The following STARD9 variants were observed in gnomAD, a reference collection of about 807,000 sequenced individuals.
The protein encoded by STARD9 is StAR related lipid transfer domain containing 9, also known as stAR-related lipid transfer protein 9.
In STARD9, 346 loss-of-function variants were observed where a neutral mutation model predicts 399.8. The ratio of observed to expected loss-of-function variants is 0.87; its 90% confidence interval spans 0.79 to 0.95. The LOEUF is 0.95. Ranked by LOEUF, STARD9 falls within the 40% of genes least tolerant of loss-of-function variation. The pLI, the probability that STARD9 is intolerant of heterozygous loss-of-function variation, is 0.00. For synonymous variants in STARD9, 2,203 were observed against 2,143.5 expected (o/e 1.03, Z -0.77); for missense variants, 5,832 against 5,667.5 (o/e 1.03, Z -0.93).
At chr15:42,619,163 T>G (rs2059033645) in intron 3 of STARD9, among the ~76,000 whole-genome samples, 1 of 152,168 alleles carries the variant, frequency 6.6e-6, no homozygotes, top group Non-Finnish European at 1.5e-5. Context: ...TACACATGCA[T>G]AGATTCTTGT....
In STARD9 at chr15:42,693,830, C is replaced by T. The variant is rs546630319; in HGVS notation, c.12252C>T (p.His4084=). ...DRPSSWGGLQ[H]LSPCPVSELT... ...CTTCTTCATGGGGAGGCCTCCAGCACCTCAGCCCCTGCCCTGTCTCTGAGT... is the reference window on the plus strand; with the variant it reads ...CTTCTTCATGGGGAGGCCTCCAGCATCTCAGCCCCTGCCCTGTCTCTGAGT... Residue 4084 remains histidine (H), a synonymous_variant, in exon 23 of 33, where the codon CAC becomes CAT. Transcript: ENST00000290607. 6.5e-7 allele frequency: 1 copy of T among 1,536,632 alleles called. No homozygotes were observed. Among genetic ancestry groups the T allele is most frequent in the East Asian group, 2.4e-5 (1 of 40,900 alleles).
intron 26 of STARD9, among the ~76,000 whole-genome samples, chr15:42,703,409 G>A (rs892140483): frequency 6.6e-6 from 1 of 150,812 alleles, no homozygotes; most frequent in Admixed American, 6.6e-5. Flanking sequence ...GTTCACCCAG[G>A]CTGGAGTGCA....
At position 42,576,508 on chromosome 15, in the gene STARD9, A is replaced by G. The variant is rs1033385024; in HGVS notation, c.47+746A>G. Among the ~76,000 whole-genome samples the G allele has an allele frequency of 2.6e-5, 4 of 152,306 alleles. 1 individual carries two copies. The highest frequency in any genetic ancestry group is 4.1e-4 in the South Asian group (2 of 4,824). The stretch of plus-strand genomic sequence containing the variant: ...AGAGAGTTTAAAGAGCCTTCTATGT[A>G]GTAAGACCGCCAAGAGCAAAGGACT... On this transcript the variant is annotated intron_variant, in intron 1 of 32. Transcript: ENST00000290607.
intron 9 of STARD9, among the ~76,000 whole-genome samples, chr15:42,659,272 G>A (rs2059945192): frequency 6.6e-6 from 1 of 152,122 alleles, no homozygotes; most frequent in Admixed American, 6.5e-5. Flanking sequence ...CAAAAATTTT[G>A]AACTGACATT....
chr15:42,659,870 A>G (rs1213229983), intron 9 of STARD9, among the ~76,000 whole-genome samples: 2 of 151,980 alleles, frequency 1.3e-5, no homozygotes, highest in African/African-American at 2.4e-5. Flanking sequence ...CAGCAATTCT[A>G]CTCTTAGGTG....
At chr15:42,612,714 G>T (rs899234155) in intron 3 of STARD9, among the ~76,000 whole-genome samples, 5 of 152,198 alleles carry the variant, frequency 3.3e-5, no homozygotes, top group African/African-American at 1.2e-4. Context: ...GCAGGTTGCA[G>T]TGGCGCATGC....
At chr15:42,659,802 G>T (rs566668977) in intron 9 of STARD9, among the ~76,000 whole-genome samples, 1 of 152,254 alleles carries the variant, frequency 6.6e-6, no homozygotes, top group East Asian at 1.9e-4. Flanking sequence ...GGGATTACAG[G>T]GGTGAGTCAT....
In STARD9 at chr15:42,691,065, T is replaced by G; in HGVS notation, c.9487T>G (p.Cys3163Gly). 6.5e-7 allele frequency: 1 copy of G among 1,537,194 alleles called. No individual in the cohort carries two copies. The highest frequency in any genetic ancestry group is 8.7e-7 in the Non-Finnish European group (1 of 1,146,894). ...GTTGGTGGTAGAGCCACAGCATGAATGTTTAGAAAATACCACTAGATGTTT... is the reference window on the plus strand; with the variant it reads ...GTTGGTGGTAGAGCCACAGCATGAAGGTTTAGAAAATACCACTAGATGTTT... ...SKLVVEPQHE[C>G]LENTTRCFLE... Residue 3163 changes from cysteine (C) to glycine (G), a missense_variant, in exon 23 of 33, where the codon TGT becomes GGT. Transcript: ENST00000290607.
intron 3 of STARD9, among the ~76,000 whole-genome samples, chr15:42,628,645 T>A (rs1393675022): frequency 2.0e-5 from 3 of 152,208 alleles, no homozygotes; most frequent in Non-Finnish European, 2.9e-5. Context: ...TTCTTCTGCA[T>A]GTGGATATCC....
chr15:42,653,482 A>G (rs959016381), intron 9 of STARD9, among the ~76,000 whole-genome samples: 1 of 152,242 alleles, frequency 6.6e-6, no homozygotes, highest in Non-Finnish European at 1.5e-5. Flanking sequence ...TAGACACATC[A>G]TAGTTAAACT....
At chr15:42,608,750 G>A (rs780063596) in intron 3 of STARD9, among the ~76,000 whole-genome samples, 17 of 152,158 alleles carry the variant, frequency 1.1e-4, no homozygotes, top group Non-Finnish European at 2.1e-4. Context: ...ATATGAAAAC[G>A]GTGCTTTGTG....
rs573598333 is a variant in STARD9, at chr15:42,703,170, C to A, written c.13284+7290C>A. On this transcript the variant is annotated intron_variant, in intron 26 of 32. Coordinates refer to ENST00000290607, the MANE Select transcript of STARD9 (RefSeq NM_020759.3). ...CCTTTGAGAATTTGATTATTATATG[C>A]CGTGGAGTAGTCTTATTTCATTAAA... is the stretch of plus-strand genomic sequence containing the variant. 1.5e-3 allele frequency among the ~76,000 whole-genome samples: 222 copies of A among 152,208 alleles called. 5 individuals carry two copies. The South Asian group carries it at 0.044, about 30-fold the overall frequency.
intron 25 of STARD9, 104 bp from the exon 26 acceptor site, chr15:42,695,639 A>C (rs780266820): frequency 4.5e-6 from 6 of 1,320,424 alleles, no homozygotes; most frequent in Non-Finnish European, 6.1e-6. Context: ...GTGAAGGAGC[A>C]GTAGAGGTGA....
chr15:42,615,127 A>G (rs1345790711), intron 3 of STARD9, among the ~76,000 whole-genome samples: 3 of 151,108 alleles, frequency 2.0e-5, no homozygotes, highest in Admixed American at 6.6e-5. Context: ...TCCTGCCTCA[A>G]CCTCTGGAGT....
chr15:42,647,471 CT>C (rs1397240893), intron 7 of STARD9, among the ~76,000 whole-genome samples: 5 of 152,188 alleles, frequency 3.3e-5, no homozygotes, highest in East Asian at 3.9e-4. Flanking sequence ...TCATTGAACA[CT>C]TTTTTCATTG....
intron 26 of STARD9, among the ~76,000 whole-genome samples, chr15:42,703,565 G>A (rs1452640420): frequency 6.7e-6 from 1 of 148,316 alleles, no homozygotes; most frequent in Non-Finnish European, 1.5e-5. Flanking sequence ...AGTAGAGACA[G>A]GGTTTCACCA....
intron 16 of STARD9, 97 bp from the exon 17 acceptor site, chr15:42,674,343 C>A: frequency 1.0e-6 from 1 of 990,676 alleles, no homozygotes; most frequent in Non-Finnish European, 1.5e-6. Context: ...ACAGATGAGG[C>A]TGGGAAGACA....
intron 3 of STARD9, among the ~76,000 whole-genome samples, chr15:42,625,424 G>C (rs1360692106): frequency 6.6e-5 from 10 of 150,894 alleles, no homozygotes; most frequent in African/African-American, 2.4e-4. Context: ...TCTGCCTCCC[G>C]GGCTCAAGCA....
chr15:42,595,391 G>A (rs925925994), intron 3 of STARD9, among the ~76,000 whole-genome samples: 2 of 152,138 alleles, frequency 1.3e-5, no homozygotes, highest in Admixed American at 6.6e-5. Context: ...CCAAGCTCTC[G>A]CACACTATAC....
Sources: gnomAD v4.1 joint callset for allele counts (sites outside exome capture counted in the v4.1 genomes callset) on GRCh38, gnomAD v4.1.1 for gene constraint, MANE v1.5 for transcripts, NCBI Gene and HGNC (gene_info 2026-07-23, HGNC 2026-07-21) for gene names.